Variants in TTC23 observed in about 807,000 individuals in gnomAD.
The protein encoded by TTC23 is tetratricopeptide repeat protein 23.
TTC23 carries 58 observed loss-of-function variants against 55.1 expected under a neutral mutation model. That is an observed-to-expected ratio of 1.05 (90% confidence interval 0.85 to 1.31). TTC23 has a LOEUF of 1.31. Among genes scored for constraint, TTC23 ranks in the 50% most tolerant of loss-of-function variants. The probability of loss-of-function intolerance (pLI) is 0.00; values close to 1 mark genes in which losing one functional copy is unlikely to be tolerated. For missense variants in TTC23, 516 were observed against 534.4 expected, an observed-to-expected ratio of 0.97 and a Z score of 0.34; for synonymous variants, 203 against 199.9, an observed-to-expected ratio of 1.02 and a Z score of -0.13.
At chr15:99,202,632 T>A (rs112434528) in intron 8 of TTC23, among the ~76,000 whole-genome samples, 3 of 152,178 alleles carry the variant, frequency 2.0e-5, no homozygotes, top group African/African-American at 7.2e-5. Context: ...CTACTAGCTA[T>A]CTCAGCCAAA....
At chr15:99,182,334 T>C (rs2074233443) in intron 9 of TTC23, among the ~76,000 whole-genome samples, 2 of 151,128 alleles carry the variant, frequency 1.3e-5, no homozygotes, top group South Asian at 4.2e-4. Context: ...TCATCTCCTA[T>C]GACCCATACT....
intron 9 of TTC23, among the ~76,000 whole-genome samples, chr15:99,176,126 G>A (rs1299890577): frequency 1.3e-5 from 2 of 152,158 alleles, no homozygotes; most frequent in Non-Finnish European, 2.9e-5. Flanking sequence ...GTCAGCATTT[G>A]GAGTTTTAAA....
At chr15:99,170,873 C>T (rs933207988) in intron 10 of TTC23, among the ~76,000 whole-genome samples, 16 of 152,266 alleles carry the variant, frequency 1.1e-4, no homozygotes, top group African/African-American at 9.6e-5. Context: ...ATTCCCCACA[C>T]GTGCAACACG....
intron 8 of TTC23, among the ~76,000 whole-genome samples, chr15:99,211,356 CAG>C (rs1454091913): frequency 9.3e-5 from 14 of 151,200 alleles, no homozygotes; most frequent in African/African-American, 2.9e-4. Context: ...GCCTGGGTGA[CAG>C]AGAGTCTCAA....
intron 5 of TTC23, among the ~76,000 whole-genome samples, chr15:99,224,476 T>C (rs1417116992): frequency 6.6e-6 from 1 of 152,266 alleles, no homozygotes; most frequent in South Asian, 2.1e-4. Context: ...GATATAAGTT[T>C]GAATGGCTGC....
intron 8 of TTC23, among the ~76,000 whole-genome samples, chr15:99,209,760 G>A (rs148039484): frequency 1.3e-5 from 2 of 152,026 alleles, no homozygotes; most frequent in African/African-American, 4.8e-5. Context: ...TTTGAGAAGG[G>A]GTCTCACTCT....
At chr15:99,239,269 A>G (rs2079567763) in intron 3 of TTC23, among the ~76,000 whole-genome samples, 1 of 152,106 alleles carries the variant, frequency 6.6e-6, no homozygotes, top group Non-Finnish European at 1.5e-5. Context: ...TGCAGATCAC[A>G]AGGTCAGGAG....
intron 5 of TTC23, among the ~76,000 whole-genome samples, chr15:99,224,217 A>C (rs1044182329): frequency 6.6e-6 from 1 of 152,206 alleles, no homozygotes; most frequent in African/African-American, 2.4e-5. Context: ...TTCTACAGTA[A>C]CGTTTCTTAC....
intron 9 of TTC23, among the ~76,000 whole-genome samples, chr15:99,191,854 A>T (rs2075276974): frequency 6.6e-6 from 1 of 152,216 alleles, no homozygotes. Flanking sequence ...AATGTGGGAA[A>T]GTTTGGAACT....
rs139161859 is a variant in TTC23, at chr15:99,195,312, G to A, written c.759+4607C>T. Among the ~76,000 whole-genome samples, 118 of 152,284 alleles carry A rather than the reference G, an allele frequency of 7.7e-4. 1 individual carries two copies. The highest frequency in any genetic ancestry group is 2.7e-3 in the African/African-American group (114 of 41,550). ...ACCAAAGAAGATACACAGATGACAA[G>A]CCCATGGAAAGATGCCCCATATCAT... On this transcript the variant is annotated intron_variant, in intron 9 of 13. Coordinates refer to ENST00000394132, the MANE Select transcript of TTC23 (RefSeq NM_001288615.3).
At chr15:99,150,655 T>C (rs1382433928) in intron 12 of TTC23, among the ~76,000 whole-genome samples, 4 of 152,230 alleles carry the variant, frequency 2.6e-5, no homozygotes, top group Admixed American at 6.5e-5. Flanking sequence ...TTACTTGAAG[T>C]TCAAAGTTAG....
intron 12 of TTC23, among the ~76,000 whole-genome samples, chr15:99,152,524 T>C (rs12594336): frequency 0.4 from 61,436 of 151,766 alleles, 12,545 homozygotes; most frequent in Middle Eastern, 0.56. Flanking sequence ...ATTACAGGTA[T>C]GCGCCAGCAG....
At chr15:99,161,379 C>T (rs553978492) in intron 11 of TTC23, among the ~76,000 whole-genome samples, 1 of 152,268 alleles carries the variant, frequency 6.6e-6, no homozygotes, top group African/African-American at 2.4e-5. Flanking sequence ...GTATAGTTTT[C>T]CTTAGACATG....
chr15:99,200,013 T>C lies in TTC23; in HGVS notation c.665A>G (p.Glu222Gly), dbSNP rs1399377604. Residue 222 changes from glutamate to glycine, a missense_variant, in exon 9 of 14, where the codon GAA (glutamate) becomes GGA (glycine). Physicochemically the swap from Glu to Gly is moderately conservative, Grantham distance 98. Transcript: ENST00000394132. ...TATGGGTACACACTCACGACTTGTT[T>C]CACCTTTACTGATCTCAACATATTC... ...ALEYVEISKG[E>G]TSRECVPILR... The C allele has an allele frequency of 2.5e-6, 4 of 1,614,160 alleles. No individual in the cohort carries two copies. The highest frequency in any genetic ancestry group is 1.7e-5 in the Admixed American group (1 of 60,020).
intron 8 of TTC23, among the ~76,000 whole-genome samples, chr15:99,212,686 C>T (rs2077137178): frequency 6.6e-6 from 1 of 152,064 alleles, no homozygotes; most frequent in Non-Finnish European, 1.5e-5. Flanking sequence ...AGATGATACA[C>T]TAAAAGATAT....
At chr15:99,185,053 C>T (rs577092107) in intron 9 of TTC23, among the ~76,000 whole-genome samples, 2 of 152,230 alleles carry the variant, frequency 1.3e-5, no homozygotes, top group African/African-American at 4.8e-5. Context: ...TTTCCTGAGG[C>T]CTCCCTAGTC....
intron 1 of TTC23, 113 bp from the exon 2 acceptor site, chr15:99,245,623 A>G (rs939383439): frequency 1.3e-5 from 2 of 152,094 alleles, no homozygotes; most frequent in Non-Finnish European, 2.9e-5. Flanking sequence ...TGCCAAGATA[A>G]TTCAATGGGA....
intron 8 of TTC23, among the ~76,000 whole-genome samples, chr15:99,209,485 G>C (rs924083154): frequency 6.6e-6 from 1 of 152,182 alleles, no homozygotes; most frequent in Non-Finnish European, 1.5e-5. Flanking sequence ...TCAGGAGCTT[G>C]GACACTAGCG....
chr15:99,176,069 C>T (rs186272311), intron 9 of TTC23, among the ~76,000 whole-genome samples: 146 of 152,290 alleles, frequency 9.6e-4, no homozygotes, highest in African/African-American at 3.3e-3. Flanking sequence ...TTTCAAATAA[C>T]ATGCAAAATA....
Sources: allele counts gnomAD v4.1 joint callset (sites outside exome capture counted in the v4.1 genomes callset), GRCh38; gene constraint gnomAD v4.1.1; transcripts MANE v1.5; gene names NCBI Gene and HGNC (gene_info 2026-07-23, HGNC 2026-07-21).